Variants in FBXO39 observed in about 807,000 individuals in gnomAD.
FBXO39 encodes F-box only protein 39.
A neutral mutation model predicts 36.6 loss-of-function variants in FBXO39; 22 were observed. The observed-to-expected ratio is 0.60, with a 90% CI of 0.43 to 0.86. The LOEUF is 0.86. Ranked by LOEUF, FBXO39 falls within the 40% of genes least tolerant of loss-of-function variation. The pLI is 0.00. For synonymous variants in FBXO39, 206 were observed against 205.8 expected, an observed-to-expected ratio of 1.00 and a Z score of -0.01; for missense variants, 536 against 543.9, an observed-to-expected ratio of 0.99 and a Z score of 0.14.
chr17:6,779,423 G>T (rs1046819151), intron 1 of FBXO39, among the ~76,000 whole-genome samples: 1 of 152,196 alleles, frequency 6.6e-6, no homozygotes, highest in Non-Finnish European at 1.5e-5. Context: ...AGGCCCACCT[G>T]ATCTGCCTTG....
chr17:6,782,842 C>G (rs1976525688), intron 2 of FBXO39, among the ~76,000 whole-genome samples: 1 of 152,090 alleles, frequency 6.6e-6, no homozygotes, highest in Non-Finnish European at 1.5e-5. Context: ...TCAACACCCT[C>G]CTTTCTGTAT....
chr17:6,784,428 GAAAT>G (rs1976541943), intron 2 of FBXO39, among the ~76,000 whole-genome samples: 1 of 151,910 alleles, frequency 6.6e-6, no homozygotes, highest in Non-Finnish European at 1.5e-5. Flanking sequence ...TCAGATGAGA[GAAAT>G]AAAGGGCACC....
At chr17:6,782,146 G>C (rs940544503) in intron 2 of FBXO39, among the ~76,000 whole-genome samples, 7 of 152,064 alleles carry the variant, frequency 4.6e-5, no homozygotes, top group African/African-American at 1.4e-4. Flanking sequence ...AAGGTAAAAA[G>C]TTTTTATTAG....
chr17:6,780,248 A>C lies in FBXO39; in HGVS notation c.380A>C (p.Lys127Thr). The C allele has an allele frequency of 6.2e-7, 1 of 1,614,024 alleles. No individual in the cohort carries two copies. The highest frequency in any genetic ancestry group is 8.5e-7 in the Non-Finnish European group (1 of 1,179,936). ...CTGAGTAAGAGCAACAACCGTCTGA[A>C]ATCTCTTTCCATCCAATACCTGGAG... ...SCLSKSNNRL[K>T]SLSIQYLELD... Residue 127 changes from lysine to threonine, a missense_variant, in exon 2 of 4, where the codon AAA becomes ACA. By Grantham distance (78) the Lys-to-Thr change is moderately conservative. Coordinates refer to ENST00000321535, the MANE Select transcript of FBXO39 (RefSeq NM_153230.3).
chr17:6,786,790 G>T lies in FBXO39; in HGVS notation c.1034G>T (p.Cys345Phe). 6.2e-7 allele frequency: 1 copy of T among 1,604,426 alleles called. No individual in the cohort carries two copies. Among genetic ancestry groups the T allele is most frequent in the South Asian group, 1.1e-5 (1 of 89,452 alleles). ...TTGGTGCTCTTCCAGAAATTAACTT[G>T]TGAATTCAACAACAACCATGAGTCA... is the stretch of plus-strand genomic sequence containing the variant. ...TFRHTLQKLT[C>F]EFNNNHESLD... Residue 345 changes from cysteine (C) to phenylalanine (F), a missense_variant, in exon 3 of 4, where the codon TGT becomes TTT. Coordinates refer to ENST00000321535, the MANE Select transcript of FBXO39 (RefSeq NM_153230.3).
rs67163717 is a variant in FBXO39, at chr17:6,787,534, CT to C, written c.*107del. Reference sequence around the variant, plus strand: ...CGGCCCTTTTGCTCCTCTCTCTCCCCTCCACTTTTTTTTTTTGTCAGCTCCA... The same window carrying C: ...CGGCCCTTTTGCTCCTCTCTCTCCCCCCACTTTTTTTTTTTGTCAGCTCCA... On this transcript the variant is annotated 3_prime_UTR_variant, in exon 4 of 4. Transcript: ENST00000321535. 304,789 of 1,385,660 alleles carry C rather than the reference CT, an allele frequency of 0.22. 39,909 individuals carry two copies. The highest frequency in any genetic ancestry group is 0.61 in the East Asian group (26,002 of 42,524). 85.8% of individuals were successfully genotyped at this position (1,385,660 alleles called of 1,614,324 possible). A position where few individuals can be genotyped will look rare whatever the true frequency, so the allele number is the denominator to read the frequency against.
chr17:6,784,953 G>GTGTGTATATATATATATATATATATA (rs1302291142), intron 2 of FBXO39, among the ~76,000 whole-genome samples: 3 of 113,884 alleles, frequency 2.6e-5, no homozygotes, highest in African/African-American at 1.1e-4. Flanking sequence ...GTGTGTGTGT[G>GTGTGTATATATATATATATATATATA]TATATATATA....
chr17:6,784,529 A>AAACAAAAACAAG (rs1280929349), intron 2 of FBXO39, among the ~76,000 whole-genome samples: 3 of 148,524 alleles, frequency 2.0e-5, no homozygotes, highest in South Asian at 4.2e-4. Context: ...CCAAAAACAA[A>AAACAAAAACAAG]AACAAAAAAA....
rs375399858 is a variant in FBXO39 at position 6,780,660 on chromosome 17, C to A, written c.792C>A (p.His264Gln). Residue 264 changes from histidine to glutamine, a missense_variant, in exon 2 of 4, where the codon CAC becomes CAA. His to Gln is a conservative substitution (Grantham distance 24, BLOSUM62 0). Coordinates refer to ENST00000321535, the MANE Select transcript of FBXO39 (RefSeq NM_153230.3). The part of the protein sequence containing the change: ...INIKCHVHDP[H>Q]GQVIWGMSWA... ...TCAAATGCCACGTTCATGACCCCCA[C>A]GGACAGGTCATCTGGGGTATGTCCT... The A allele has an allele frequency of 6.2e-7, 1 of 1,614,010 alleles. No individual in the cohort carries two copies. The highest frequency in any genetic ancestry group is 2.2e-5 in the East Asian group (1 of 44,872).
At chr17:6,782,584 T>C (rs753136931) in intron 2 of FBXO39, among the ~76,000 whole-genome samples, 35 of 152,168 alleles carry the variant, frequency 2.3e-4, no homozygotes, top group Non-Finnish European at 4.1e-4. Flanking sequence ...TGGGAAATGA[T>C]ATTTAATGCC....
At chr17:6,787,223 C>CGTGTGTGTGTGT (rs754209458) in intron 3 of FBXO39, 77 bp from the exon 4 acceptor site, 166 of 1,397,254 alleles carry the variant, frequency 1.2e-4, no homozygotes, top group African/African-American at 8.0e-4. Flanking sequence ...GTGTAGTCAC[C>CGTGTGTGTGTGT]GTGTGTGTGT....
chr17:6,778,060 G>A (rs1010372730), intron 1 of FBXO39, among the ~76,000 whole-genome samples: 1 of 152,206 alleles, frequency 6.6e-6, no homozygotes, highest in Non-Finnish European at 1.5e-5. Flanking sequence ...GTTGGTGGGA[G>A]CTGGAGGAGA....
At chr17:6,787,279 T>C (rs376710342) in intron 3 of FBXO39, 21 bp from the exon 4 acceptor site, 2 of 1,610,194 alleles carry the variant, frequency 1.2e-6, no homozygotes, top group Non-Finnish European at 1.7e-6. Flanking sequence ...CATATGTGGA[T>C]GTATTTCTCT....
rs1186451312 is a variant in FBXO39, at chr17:6,780,776, T to C, written c.908T>C (p.Leu303Ser). 2 of 1,614,052 alleles carry C rather than the reference T, an allele frequency of 1.2e-6. No individual in the cohort carries two copies. The highest frequency in any genetic ancestry group is 2.2e-5 in the East Asian group (1 of 44,890). Residue 303 changes from leucine (L) to serine (S), a missense_variant, in exon 2 of 4, where the codon TTG becomes TCG. Transcript: ENST00000321535. ...MKYERLARIL[L>S]QEIPIRSISL... ...TACGAACGCTTGGCCCGAATCCTCTTGCAGGAGATCCCGATCAGGAGCATC... is the reference window on the plus strand; with the variant it reads ...TACGAACGCTTGGCCCGAATCCTCTCGCAGGAGATCCCGATCAGGAGCATC...
At position 6,784,953 on chromosome 17, in the gene FBXO39, G is replaced by GTGTGTGTATATATATATATA. The variant is rs1302291142; in HGVS notation, c.1024-1826_1024-1825insGTGTGTATATATATATATAT. Reference sequence around the variant, plus strand: ...TATGTGTGTGTGTGTGTGTGTGTGTGTATATATATATATGGAACCACAAAA... The same window carrying GTGTGTGTATATATATATATA: ...TATGTGTGTGTGTGTGTGTGTGTGTGTGTGTGTATATATATATATATATATATATATATGGAACCACAAAA... On this transcript the variant is annotated intron_variant, in intron 2 of 3. Coordinates refer to ENST00000321535, the MANE Select transcript of FBXO39 (RefSeq NM_153230.3). Among the ~76,000 whole-genome samples, 707 of 113,486 alleles carry GTGTGTGTATATATATATATA rather than the reference G, an allele frequency of 6.2e-3. 5 individuals carry two copies. The highest frequency in any genetic ancestry group is 0.024 in the African/African-American group (643 of 27,094). 74.5% of individuals were successfully genotyped at this position (113,486 alleles called of 152,430 possible). A position where few individuals can be genotyped will look rare whatever the true frequency, so the allele number is the denominator to read the frequency against.
At chr17:6,784,953 G>GTGTGTATATATATATATATATATATATA (rs1302291142) in intron 2 of FBXO39, among the ~76,000 whole-genome samples, 3 of 113,886 alleles carry the variant, frequency 2.6e-5, no homozygotes, top group African/African-American at 1.1e-4. Flanking sequence ...GTGTGTGTGT[G>GTGTGTATATATATATATATATATATATA]TATATATATA....
Position 6,786,889 on chromosome 17 carries a change from A to T in FBXO39, c.1133A>T (p.Asp378Val). Residue 378 changes from aspartate (D) to valine (V), a missense_variant, in exon 3 of 4, where the codon GAT (aspartate) becomes GTT (valine). Asp to Val is a radical substitution (Grantham distance 152). Coordinates refer to ENST00000321535, the MANE Select transcript of FBXO39 (RefSeq NM_153230.3). Reference protein sequence around the residue: ...LFYFKIWAFLDVSFVERILKS... With the variant: ...LFYFKIWAFLVVSFVERILKS... ...TACTTCAAAATCTGGGCTTTCCTTG[A>T]TGTTAGTTTTGTGGAGCGGATCCTG... is the stretch of plus-strand genomic sequence containing the variant. 1 of 1,614,024 alleles carries T rather than the reference A, an allele frequency of 6.2e-7. No individual in the cohort carries two copies. Among genetic ancestry groups the T allele is most frequent in the Non-Finnish European group, 8.5e-7 (1 of 1,179,980 alleles).
intron 1 of FBXO39, among the ~76,000 whole-genome samples, chr17:6,776,777 C>G (rs1015072620): frequency 6.6e-6 from 1 of 152,106 alleles, no homozygotes; most frequent in Non-Finnish European, 1.5e-5. Flanking sequence ...TTAATCCTCC[C>G]AACACTAAGA....
intron 2 of FBXO39, among the ~76,000 whole-genome samples, chr17:6,782,509 T>C (rs1012380962): frequency 1.3e-5 from 2 of 152,092 alleles, no homozygotes; most frequent in African/African-American, 4.8e-5. Context: ...AAAGACTCAA[T>C]TATCTGCTGC....
Sources: gnomAD v4.1 joint callset for allele counts (sites outside exome capture counted in the v4.1 genomes callset) on GRCh38, gnomAD v4.1.1 for gene constraint, MANE v1.5 for transcripts, NCBI Gene and HGNC (gene_info 2026-07-23, HGNC 2026-07-21) for gene names.